CNTN5: variants seen among roughly 807,000 people sequenced by gnomAD.
The protein encoded by CNTN5 is contactin-5.
In CNTN5, 77 loss-of-function variants were observed where a neutral mutation model predicts 129.1. That is an observed-to-expected ratio of 0.60 (90% confidence interval 0.50 to 0.72). CNTN5 has a LOEUF of 0.72. Ranked by LOEUF, CNTN5 falls within the 30% of genes least tolerant of loss-of-function variation. The pLI is 0.00. For missense variants in CNTN5, 1,478 were observed against 1,328.8 expected (o/e 1.11, Z -1.75); for synonymous variants, 509 against 465.6 (o/e 1.09, Z -1.20).
chr11:100,351,313 A>C (rs1018858447), intron 24 of CNTN5, among the ~76,000 whole-genome samples: 1 of 151,634 alleles, frequency 6.6e-6, no homozygotes, highest in Non-Finnish European at 1.5e-5. Flanking sequence ...ACAAATTATA[A>C]ATTTTATTGT....
At chr11:99,932,142 G>GAAATGCTT (rs71050034) in intron 7 of CNTN5, among the ~76,000 whole-genome samples, 21,793 of 152,042 alleles carry the variant, frequency 0.14, 1,627 homozygotes, top group Middle Eastern at 0.17. Context: ...TCCAGTGCCA[G>GAAATGCTT]AAATGCTTAC....
At chr11:99,876,633 A>T (rs1948639729) in intron 6 of CNTN5, among the ~76,000 whole-genome samples, 1 of 152,204 alleles carries the variant, frequency 6.6e-6, no homozygotes, top group Non-Finnish European at 1.5e-5. Flanking sequence ...GATCTTTCAG[A>T]GACTGCCACA....
intron 3 of CNTN5, among the ~76,000 whole-genome samples, chr11:99,785,721 A>G (rs1421810588): frequency 3.3e-5 from 5 of 152,280 alleles, no homozygotes; most frequent in African/African-American, 1.2e-4. Context: ...AACATAATCT[A>G]TCATAAACAT....
At position 100,319,567 on chromosome 11, in the gene CNTN5, CAT is replaced by C. The variant is rs544884565; in HGVS notation, c.2730+11101_2730+11102del. On this transcript the variant is annotated intron_variant, in intron 21 of 24. Coordinates refer to ENST00000524871, the MANE Select transcript of CNTN5 (RefSeq NM_014361.4). ...GCTAATTAGCATATGCATTATTGCACATAGTTATCATTTTTAGGTGAGAAAAT... is the reference window on the plus strand; with the variant it reads ...GCTAATTAGCATATGCATTATTGCACAGTTATCATTTTTAGGTGAGAAAAT... 4.6e-5 allele frequency among the ~76,000 whole-genome samples: 7 copies of C among 152,288 alleles called. No homozygotes were observed. The South Asian group carries it at 1.4e-3, about 32-fold the overall frequency.
chr11:99,793,056 A>G lies in CNTN5; in HGVS notation c.56-26488A>G, dbSNP rs554153883. Reference sequence around the variant, plus strand: ...GTATTAGTCTACTAGCAGTCTATCTATCTTATTAATTTTTTTTTTTTTCGA... The same window carrying G: ...GTATTAGTCTACTAGCAGTCTATCTGTCTTATTAATTTTTTTTTTTTTCGA... On this transcript the variant is annotated intron_variant, in intron 3 of 24. Coordinates refer to ENST00000524871, the MANE Select transcript of CNTN5 (RefSeq NM_014361.4). 6.7e-5 allele frequency among the ~76,000 whole-genome samples: 10 copies of G among 149,280 alleles called. No individual in the cohort carries two copies. In the South Asian group the frequency reaches 1.9e-3, roughly 29 times the overall value.
chr11:100,130,118 A>G (rs1453888993), intron 13 of CNTN5, among the ~76,000 whole-genome samples: 2 of 152,182 alleles, frequency 1.3e-5, no homozygotes, highest in African/African-American at 4.8e-5. Flanking sequence ...CACACACCAT[A>G]TTCAAATTAA....
chr11:99,583,921 C>A (rs1949704797), intron 3 of CNTN5, among the ~76,000 whole-genome samples: 1 of 152,122 alleles, frequency 6.6e-6, no homozygotes, highest in African/African-American at 2.4e-5. Flanking sequence ...ATGGCTCAAG[C>A]TGGGAGCTGT....
At chr11:99,896,867 C>A (rs975461292) in intron 6 of CNTN5, among the ~76,000 whole-genome samples, 11 of 152,118 alleles carry the variant, frequency 7.2e-5, no homozygotes, top group African/African-American at 2.7e-4. Flanking sequence ...CTGCCCCAGC[C>A]TGAATATTTA....
chr11:99,990,922 A>T (rs1309307484), intron 8 of CNTN5, among the ~76,000 whole-genome samples: 2 of 152,204 alleles, frequency 1.3e-5, no homozygotes, highest in African/African-American at 4.8e-5. Context: ...AACCCAGAGA[A>T]ATTCTGATTG....
intron 6 of CNTN5, among the ~76,000 whole-genome samples, chr11:99,880,155 A>G (rs932423830): frequency 6.6e-6 from 1 of 152,204 alleles, no homozygotes; most frequent in Non-Finnish European, 1.5e-5. Flanking sequence ...AATATTTTGC[A>G]TATGATCAAT....
intron 2 of CNTN5, among the ~76,000 whole-genome samples, chr11:99,369,215 A>AT (rs1330236962): frequency 7.2e-5 from 4 of 55,412 alleles, no homozygotes; most frequent in Non-Finnish European, 1.0e-4. Flanking sequence ...TATATTATAT[A>AT]TAATATATAT....
intron 6 of CNTN5, among the ~76,000 whole-genome samples, chr11:99,909,880 G>A (rs1439965701): frequency 6.6e-6 from 1 of 152,004 alleles, no homozygotes; most frequent in Non-Finnish European, 1.5e-5. Flanking sequence ...GTTACTGGGT[G>A]CAGCACACCA....
At position 99,946,986 on chromosome 11, in the gene CNTN5, AAATT is replaced by A. The variant is rs143626714; in HGVS notation, c.674-9816_674-9813del. 1.7e-3 allele frequency among the ~76,000 whole-genome samples: 257 copies of A among 151,898 alleles called. 1 individual carries two copies. The highest frequency in any genetic ancestry group is 5.9e-3 in the African/African-American group (245 of 41,504). On this transcript the variant is annotated intron_variant, in intron 7 of 24. Coordinates refer to ENST00000524871, the MANE Select transcript of CNTN5 (RefSeq NM_014361.4). Reference sequence around the variant, plus strand: ...AATGTAGATATAAACGTAATTATAAAAATTAATATATAAGCATGATTCTACATGA... The same window carrying A: ...AATGTAGATATAAACGTAATTATAAAAATATATAAGCATGATTCTACATGA...
chr11:99,889,331 TGTGTGTG>T (rs1948992998), intron 6 of CNTN5, among the ~76,000 whole-genome samples: 2 of 57,226 alleles, frequency 3.5e-5, no homozygotes, highest in African/African-American at 1.0e-4. Context: ...TGTGTGTGTG[TGTGTGTG>T]TGTGTGTGTG....
intron 1 of CNTN5, among the ~76,000 whole-genome samples, chr11:99,249,239 G>T (rs1170025019): frequency 6.6e-6 from 1 of 152,056 alleles, no homozygotes; most frequent in Non-Finnish European, 1.5e-5. Flanking sequence ...TTGTGAATGG[G>T]AGTTCACTCA....
intron 1 of CNTN5, among the ~76,000 whole-genome samples, chr11:99,214,187 G>A (rs1031869224): frequency 2.6e-5 from 4 of 151,884 alleles, no homozygotes; most frequent in South Asian, 2.1e-4. Flanking sequence ...AACTTAACTG[G>A]AAGTCAGATG....
At chr11:99,694,999 A>T (rs1035690299) in intron 3 of CNTN5, among the ~76,000 whole-genome samples, 3 of 152,114 alleles carry the variant, frequency 2.0e-5, no homozygotes, top group African/African-American at 7.2e-5. Context: ...GTTCTGTCGA[A>T]CACAAAATAC....
Position 100,297,702 on chromosome 11 carries a change from A to G in CNTN5, c.2385+7A>G, listed in dbSNP as rs1238158256. 1.3e-6 allele frequency: 2 copies of G among 1,585,564 alleles called. No homozygotes were observed. Among genetic ancestry groups the G allele is most frequent in the Non-Finnish European group, 1.7e-6 (2 of 1,161,366 alleles). On this transcript the variant is annotated splice_region_variant and intron_variant, in intron 19 of 24. Coordinates refer to ENST00000524871, the MANE Select transcript of CNTN5 (RefSeq NM_014361.4). ...GTTAGTCATTGCCTGGGAGGTAAGAAAAACACATCCTCTCACAAATTACTC... is the reference window on the plus strand; with the variant it reads ...GTTAGTCATTGCCTGGGAGGTAAGAGAAACACATCCTCTCACAAATTACTC...
chr11:100,107,627 A>G (rs1945491340), intron 13 of CNTN5, among the ~76,000 whole-genome samples: 1 of 151,990 alleles, frequency 6.6e-6, no homozygotes, highest in Non-Finnish European at 1.5e-5. Context: ...CAAAAAAACT[A>G]TTATATAGTG....
Sources: allele counts gnomAD v4.1 joint callset (sites outside exome capture counted in the v4.1 genomes callset), GRCh38; gene constraint gnomAD v4.1.1; transcripts MANE v1.5; gene names NCBI Gene and HGNC (gene_info 2026-07-23, HGNC 2026-07-21).